Variants in PKD1L1 observed in about 807,000 individuals in gnomAD.
PKD1L1 encodes polycystin-1-like protein 1.
PKD1L1 carries 236 observed loss-of-function variants against 323.4 expected under a neutral mutation model. The ratio of observed to expected loss-of-function variants is 0.73; its 90% CI spans 0.66 to 0.81. PKD1L1 has a LOEUF of 0.81. PKD1L1 is among the 40% of genes least tolerant of loss of function. PKD1L1 has a pLI of 0.00. For missense variants in PKD1L1, 3,320 were observed against 3,508.0 expected (o/e 0.95, Z 1.35); for synonymous variants, 1,344 against 1,335.0 (o/e 1.01, Z -0.15).
At chr7:47,784,582 C>T (rs1322474797) in intron 56 of PKD1L1, among the ~76,000 whole-genome samples, 1 of 152,096 alleles carries the variant, frequency 6.6e-6, no homozygotes, top group Non-Finnish European at 1.5e-5. Flanking sequence ...AAGCAATTCT[C>T]CTGCCTCAGC....
chr7:47,927,914 C>T (rs1233140186), intron 7 of PKD1L1, among the ~76,000 whole-genome samples: 1 of 152,142 alleles, frequency 6.6e-6, no homozygotes, highest in Non-Finnish European at 1.5e-5. Flanking sequence ...AGATCAGAAA[C>T]AATTTCAATG....
At chr7:47,915,991 C>G (rs1787422132) in intron 7 of PKD1L1, among the ~76,000 whole-genome samples, 1 of 152,122 alleles carries the variant, frequency 6.6e-6, no homozygotes, top group South Asian at 2.1e-4. Flanking sequence ...AAGAAAGTAC[C>G]AGTCCCAGAG....
At chr7:47,902,610 A>G in intron 12 of PKD1L1, 99 bp from the exon 13 acceptor site, 3 of 1,369,968 alleles carry the variant, frequency 2.2e-6, no homozygotes, top group Non-Finnish European at 3.0e-6. Flanking sequence ...GAATTATAGT[A>G]TTTGACAGCA....
At position 47,946,471 on chromosome 7, in the gene PKD1L1, C is replaced by T. The variant is rs111435551; in HGVS notation, c.44+1926G>A. ...ACATACCCACCCACCACACACACAT[C>T]GCACACACCACACACCACGCACCAC... On this transcript the variant is annotated intron_variant, in intron 1 of 56. Coordinates refer to ENST00000289672, the MANE Select transcript of PKD1L1 (RefSeq NM_138295.5). The surrounding 1 kb of genome is among the most constrained non-coding windows in gnomAD (Gnocchi z 4.1). Among the ~76,000 whole-genome samples the T allele has an allele frequency of 7.0e-3, 1,024 of 147,120 alleles. 17 individuals carry two copies. The highest frequency in any genetic ancestry group is 0.024 in the African/African-American group (963 of 40,200).
chr7:47,894,112 C>T, intron 14 of PKD1L1, 53 bp from the exon 15 acceptor site: 1 of 1,466,618 alleles, frequency 6.8e-7, no homozygotes, highest in Non-Finnish European at 9.1e-7. Flanking sequence ...GGCAGGGACT[C>T]ACTGGAGAAA....
At chr7:47,853,574 C>A (rs1336972008) in intron 30 of PKD1L1, among the ~76,000 whole-genome samples, 1 of 152,200 alleles carries the variant, frequency 6.6e-6, no homozygotes, top group East Asian at 1.9e-4. Context: ...GAAACCCCAT[C>A]TCTACTTAAA....
intron 28 of PKD1L1, among the ~76,000 whole-genome samples, chr7:47,857,353 C>T (rs960491604): frequency 6.6e-6 from 1 of 152,172 alleles, no homozygotes; most frequent in Non-Finnish European, 1.5e-5. Context: ...CTCAAGGAAA[C>T]AGTGAATGGG....
chr7:47,836,432 T>C (rs1785459129), intron 37 of PKD1L1, among the ~76,000 whole-genome samples: 1 of 152,178 alleles, frequency 6.6e-6, no homozygotes. Context: ...AGAGAGGGTC[T>C]CCATTTTAAC....
intron 36 of PKD1L1, among the ~76,000 whole-genome samples, chr7:47,838,922 A>G (rs1196357312): frequency 6.6e-6 from 1 of 151,752 alleles, no homozygotes; most frequent in East Asian, 1.9e-4. Context: ...AATGCATGAC[A>G]TTATCATCAC....
chr7:47,893,363 C>T (rs966300134), intron 15 of PKD1L1, among the ~76,000 whole-genome samples: 1 of 151,892 alleles, frequency 6.6e-6, no homozygotes, highest in Non-Finnish European at 1.5e-5. Context: ...GCTGTAGGGA[C>T]GCCGGGACTC....
rs1176921801 is a variant in PKD1L1, at chr7:47,904,444, T to C, written c.1865A>G (p.Tyr622Cys). The C allele has an allele frequency of 6.2e-7, 1 of 1,614,008 alleles. No individual in the cohort carries two copies. The highest frequency in any genetic ancestry group is 2.2e-5 in the East Asian group (1 of 44,870). ...GGTGCCATCCCCAAAGTCCCACAGG[T>C]AGGCAACATCTGTGCCGAAGTTGAT... ...CWINFGTDVA[Y>C]LWDFGDGTVS... is the part of the protein sequence containing the mutation. Residue 622 changes from tyrosine to cysteine, a missense_variant, in exon 12 of 57, where the codon TAC (tyrosine) becomes TGC (cysteine). Tyr to Cys is a radical substitution (Grantham distance 194). Transcript: ENST00000289672.
chr7:47,822,605 A>AAAC (rs1554398427), intron 45 of PKD1L1, among the ~76,000 whole-genome samples: 4 of 151,182 alleles, frequency 2.6e-5, no homozygotes, highest in Non-Finnish European at 5.9e-5. Context: ...AAAAAAAAAA[A>AAAC]AAAAAAAAAA....
chr7:47,778,937 GT>G (rs925753051), intron 56 of PKD1L1, among the ~76,000 whole-genome samples: 3 of 152,146 alleles, frequency 2.0e-5, no homozygotes, highest in Admixed American at 2.0e-4. Context: ...CGATCATATC[GT>G]TTTTAAAAAA....
intron 7 of PKD1L1, among the ~76,000 whole-genome samples, chr7:47,926,888 G>A (rs1029602335): frequency 2.6e-5 from 4 of 152,226 alleles, no homozygotes; most frequent in African/African-American, 9.7e-5. Context: ...GGGCAGAGAG[G>A]AAGCCAGCAT....
At chr7:47,880,435 C>T (rs1231267521) in intron 21 of PKD1L1, among the ~76,000 whole-genome samples, 1 of 150,510 alleles carries the variant, frequency 6.6e-6, no homozygotes, top group East Asian at 1.9e-4. Context: ...GCACCCGCCA[C>T]CATGCCCGGC....
intron 50 of PKD1L1, among the ~76,000 whole-genome samples, chr7:47,811,240 G>A (rs1264514428): frequency 3.4e-5 from 5 of 148,194 alleles, no homozygotes; most frequent in African/African-American, 7.5e-5. Context: ...TGCAACCTCC[G>A]CCTCCCAGGT....
chr7:47,873,388 C>G (rs948579997), intron 24 of PKD1L1, among the ~76,000 whole-genome samples: 1 of 152,104 alleles, frequency 6.6e-6, no homozygotes, highest in Non-Finnish European at 1.5e-5. Flanking sequence ...GTGGCTCACA[C>G]CTGTAATCCC....
chr7:47,947,695 C>T (rs563700694), intron 1 of PKD1L1, among the ~76,000 whole-genome samples: 12 of 152,294 alleles, frequency 7.9e-5, no homozygotes, highest in South Asian at 4.1e-4. Context: ...AGGCTGGGTG[C>T]GGTGGCTTAT....
intron 26 of PKD1L1, among the ~76,000 whole-genome samples, chr7:47,860,222 T>G (rs1785995930): frequency 1.3e-5 from 2 of 152,240 alleles, no homozygotes. Context: ...ACTACGTATC[T>G]TTTAAAACCA....
Sources: allele counts gnomAD v4.1 joint callset (sites outside exome capture counted in the v4.1 genomes callset), GRCh38; gene constraint gnomAD v4.1.1; non-coding constraint Gnocchi (gnomAD v3.1); transcripts MANE v1.5; gene names NCBI Gene and HGNC (gene_info 2026-07-23, HGNC 2026-07-21).